Variants in ADAMTSL3 observed in about 807,000 individuals in gnomAD.
ADAMTSL3 encodes the protein ADAMTS like 3, also known as ADAMTS-like protein 3.
ADAMTSL3 carries 128 observed loss-of-function variants against 201.7 expected under a neutral mutation model. The observed-to-expected ratio is 0.63, with a 90% confidence interval of 0.55 to 0.73. The LOEUF is 0.73. Among genes scored for constraint, ADAMTSL3 ranks in the 30% least tolerant of loss-of-function variants. The pLI is 0.00. For synonymous variants in ADAMTSL3, 738 were observed against 748.4 expected (o/e 0.99, Z 0.23); for missense variants, 1,990 against 2,119.6 (o/e 0.94, Z 1.20).
At chr15:83,904,326 G>A (rs1025809090) in intron 15 of ADAMTSL3, among the ~76,000 whole-genome samples, 2 of 151,866 alleles carry the variant, frequency 1.3e-5, no homozygotes, top group Non-Finnish European at 2.9e-5. Flanking sequence ...TCATTCCCTC[G>A]ATTTCCAAAC....
rs571849085 is a variant in ADAMTSL3, at chr15:83,788,468, A to T, written c.317+14818A>T. The stretch of plus-strand genomic sequence containing the variant: ...GAAAAGATCTTTATTTTCTTCTCAA[A>T]CTTGAATGATGATTTTTCCATATAT... On this transcript the variant is annotated intron_variant, in intron 4 of 29. Transcript: ENST00000286744. 6.8e-4 allele frequency among the ~76,000 whole-genome samples: 104 copies of T among 152,230 alleles called. 1 individual carries two copies. Among genetic ancestry groups the T allele is most frequent in the African/African-American group, 2.4e-3 (100 of 41,542 alleles).
chr15:83,980,837 T>C (rs531922807), intron 20 of ADAMTSL3, among the ~76,000 whole-genome samples: 158 of 152,332 alleles, frequency 1.0e-3, no homozygotes, highest in African/African-American at 3.5e-3. Context: ...AAAGGGCTCA[T>C]GAGGCGTGCA....
chr15:83,982,373 C>T lies in ADAMTSL3; in HGVS notation c.2745C>T (p.Asn915=). Residue 915 remains asparagine, a synonymous_variant, in exon 21 of 30, where the codon AAC becomes AAT. Coordinates refer to ENST00000286744, the MANE Select transcript of ADAMTSL3 (RefSeq NM_207517.3). ...YIQTREEKRI[N]LTIGSRAYLL... ...AGACAAGGGAAGAGAAGCGTATTAACCTGACCATTGGTAGCAGAGCCTATT... is the reference window on the plus strand; with the variant it reads ...AGACAAGGGAAGAGAAGCGTATTAATCTGACCATTGGTAGCAGAGCCTATT... The T allele has an allele frequency of 1.2e-6, 2 of 1,614,050 alleles. No homozygotes were observed. Among genetic ancestry groups the T allele is most frequent in the Non-Finnish European group, 1.7e-6 (2 of 1,180,018 alleles).
At chr15:83,695,116 TGTG>T (rs1390784336) in intron 2 of ADAMTSL3, among the ~76,000 whole-genome samples, 4 of 135,482 alleles carry the variant, frequency 3.0e-5, no homozygotes, top group Admixed American at 1.5e-4. Context: ...GCATGTGTGG[TGTG>T]TGTGTGTGGG....
At chr15:83,988,169 C>T (rs963763767) in intron 21 of ADAMTSL3, among the ~76,000 whole-genome samples, 7 of 152,118 alleles carry the variant, frequency 4.6e-5, no homozygotes, top group African/African-American at 1.7e-4. Flanking sequence ...CAGTGTATGC[C>T]ACAGACTTAG....
At chr15:83,698,586 C>G (rs898815912) in intron 2 of ADAMTSL3, among the ~76,000 whole-genome samples, 5 of 151,646 alleles carry the variant, frequency 3.3e-5, no homozygotes, top group African/African-American at 1.2e-4. Context: ...TACTTAAGGG[C>G]CCTGACCCCT....
At chr15:83,740,648 G>A (rs1478005188) in intron 3 of ADAMTSL3, among the ~76,000 whole-genome samples, 1 of 151,926 alleles carries the variant, frequency 6.6e-6, no homozygotes, top group Non-Finnish European at 1.5e-5. Context: ...ATAGAGTAAC[G>A]GCCACAAAAC....
chr15:83,656,838 A>C (rs986003032), intron 2 of ADAMTSL3, among the ~76,000 whole-genome samples: 1 of 152,220 alleles, frequency 6.6e-6, no homozygotes, highest in Non-Finnish European at 1.5e-5. Context: ...TGCATCCATG[A>C]ATGAAGATAT....
chr15:83,911,830 A>G (rs11259936), intron 15 of ADAMTSL3, among the ~76,000 whole-genome samples: 2 of 151,968 alleles, frequency 1.3e-5, no homozygotes, highest in African/African-American at 4.8e-5. Flanking sequence ...TTGGAACTGC[A>G]TCTTAAACAA....
chr15:83,807,897 G>A (rs927528656), intron 5 of ADAMTSL3, among the ~76,000 whole-genome samples: 24 of 152,180 alleles, frequency 1.6e-4, no homozygotes, highest in Admixed American at 2.6e-4. Context: ...AAAGGACAGT[G>A]TCTTCAATAA....
chr15:84,015,191 G>A (rs1200530539), intron 24 of ADAMTSL3, among the ~76,000 whole-genome samples: 5 of 152,234 alleles, frequency 3.3e-5, no homozygotes, highest in African/African-American at 7.2e-5. Flanking sequence ...TGATCTGCCC[G>A]CCTTGGCCTC....
chr15:83,894,074 A>G (rs1796300372), intron 13 of ADAMTSL3, among the ~76,000 whole-genome samples: 1 of 152,192 alleles, frequency 6.6e-6, no homozygotes, highest in Non-Finnish European at 1.5e-5. Flanking sequence ...GTTGTGTTAC[A>G]GTATTGTATT....
intron 4 of ADAMTSL3, among the ~76,000 whole-genome samples, chr15:83,801,673 T>TATATAAATATATAAATATAAATATA (rs1567154152): frequency 2.8e-5 from 2 of 72,580 alleles, no homozygotes; most frequent in African/African-American, 8.2e-5. Flanking sequence ...TATATATATA[T>TATATAAATATATAAATATAAATATA]ATATATATAT....
chr15:83,890,166 A>T lies in ADAMTSL3; in HGVS notation c.1130A>T (p.Asp377Val). 1.2e-6 allele frequency: 2 copies of T among 1,614,008 alleles called. No individual in the cohort carries two copies. The highest frequency in any genetic ancestry group is 1.7e-6 in the Non-Finnish European group (2 of 1,179,912). ...VDIRLKRVVP[D>V]HYCHYYPENV... ...ATCCGCTTGAAGAGGGTAGTTCCTGACCATTATTGTCACTACTACCCTGAA... is the reference window on the plus strand; with the variant it reads ...ATCCGCTTGAAGAGGGTAGTTCCTGTCCATTATTGTCACTACTACCCTGAA... The change falls in exon 11 of 30, where the codon GAC becomes GTC. Residue 377 changes from aspartate to valine, a missense_variant. Physicochemically the swap from Asp to Val is radical, Grantham distance 152. Transcript: ENST00000286744.
At chr15:83,829,460 A>G (rs1416121951) in intron 6 of ADAMTSL3, among the ~76,000 whole-genome samples, 5 of 151,758 alleles carry the variant, frequency 3.3e-5, no homozygotes, top group African/African-American at 1.2e-4. Flanking sequence ...AATTTTGTTG[A>G]TCTTTTCAAA....
chr15:84,010,343 T>G (rs1369330931), intron 23 of ADAMTSL3, among the ~76,000 whole-genome samples: 1 of 152,184 alleles, frequency 6.6e-6, no homozygotes, highest in Non-Finnish European at 1.5e-5. Context: ...GTGTCTGAGT[T>G]TATGAGGATT....
intron 13 of ADAMTSL3, among the ~76,000 whole-genome samples, chr15:83,893,932 C>T (rs1712558538): frequency 6.6e-6 from 1 of 152,174 alleles, no homozygotes; most frequent in Non-Finnish European, 1.5e-5. Context: ...CTTAGTTCAT[C>T]ATATATGTGC....
intron 2 of ADAMTSL3, among the ~76,000 whole-genome samples, chr15:83,664,838 G>A (rs2061226780): frequency 6.6e-6 from 1 of 152,180 alleles, no homozygotes; most frequent in Non-Finnish European, 1.5e-5. Flanking sequence ...AAAATTAGCT[G>A]GTTATGATAG....
At chr15:83,934,785 G>T (rs970357665) in intron 17 of ADAMTSL3, among the ~76,000 whole-genome samples, 7 of 152,040 alleles carry the variant, frequency 4.6e-5, no homozygotes, top group Non-Finnish European at 7.4e-5. Flanking sequence ...CCAAAAATAT[G>T]CTAAGAAAAG....
Sources: allele counts gnomAD v4.1 joint callset (sites outside exome capture counted in the v4.1 genomes callset), GRCh38; gene constraint gnomAD v4.1.1; transcripts MANE v1.5; gene names NCBI Gene and HGNC (gene_info 2026-07-23, HGNC 2026-07-21).